The following GRM7 variants were observed in gnomAD, a reference collection of about 807,000 sequenced individuals.
GRM7 encodes the protein metabotropic glutamate receptor 7.
GRM7 carries 35 observed loss-of-function variants against 84.5 expected under a neutral mutation model. The observed-to-expected ratio is 0.41, with a 90% CI of 0.32 to 0.55. The LOEUF is 0.55. Among genes scored for constraint, GRM7 ranks in the 20% least tolerant of loss-of-function variants. The probability of loss-of-function intolerance (pLI) is 0.19; values close to 1 mark genes in which losing one functional copy is unlikely to be tolerated. For missense variants in GRM7, 1,003 were observed against 1,194.6 expected (o/e 0.84, Z 2.36); for synonymous variants, 487 against 455.1 (o/e 1.07, Z -0.89).
chr3:7,647,118 G>C (rs1311132686), intron 8 of GRM7, among the ~76,000 whole-genome samples: 1 of 152,224 alleles, frequency 6.6e-6, no homozygotes, highest in Non-Finnish European at 1.5e-5. Context: ...GTAGATGGAA[G>C]GAAAGAACCC....
chr3:7,327,388 A>G (rs1559238181), intron 4 of GRM7, among the ~76,000 whole-genome samples: 1 of 152,200 alleles, frequency 6.6e-6, no homozygotes, highest in Non-Finnish European at 1.5e-5. Context: ...AGGAGAGGAA[A>G]GAAAGCATAA....
At chr3:7,006,157 C>G (rs972214624) in intron 1 of GRM7, among the ~76,000 whole-genome samples, 1 of 152,142 alleles carries the variant, frequency 6.6e-6, no homozygotes, top group Middle Eastern at 3.2e-3. Context: ...GACTTTCCAT[C>G]TATATTTTGA....
chr3:7,687,532 T>G (rs1461731283), intron 9 of GRM7, among the ~76,000 whole-genome samples: 5 of 152,190 alleles, frequency 3.3e-5, no homozygotes, highest in African/African-American at 1.2e-4. Context: ...TAAAATGTTC[T>G]CTTTTGATTT....
In GRM7 at chr3:7,121,966, T is replaced by A. The variant is rs144457650; in HGVS notation, c.520-24486T>A. 6.2e-4 allele frequency among the ~76,000 whole-genome samples: 94 copies of A among 152,310 alleles called. 1 individual carries two copies. In the East Asian group the frequency reaches 0.017, roughly 28 times the overall value. ...ATTACAAAAGAGAGTTCACCCCTCA[T>A]GCTCTCTCTGTCTCACATGCTCACT... On this transcript the variant is annotated intron_variant, in intron 1 of 9. Coordinates refer to ENST00000357716, the MANE Select transcript of GRM7 (RefSeq NM_000844.4).
At chr3:7,640,140 C>T (rs986531773) in intron 8 of GRM7, among the ~76,000 whole-genome samples, 1 of 152,090 alleles carries the variant, frequency 6.6e-6, no homozygotes, top group Non-Finnish European at 1.5e-5. Context: ...CGCCACAATG[C>T]CCTACACAGG....
intron 1 of GRM7, among the ~76,000 whole-genome samples, chr3:7,025,799 T>C (rs1158533025): frequency 6.6e-6 from 1 of 152,186 alleles, no homozygotes; most frequent in Non-Finnish European, 1.5e-5. Context: ...GTGACCACAA[T>C]TGAGAGAATG....
intron 7 of GRM7, among the ~76,000 whole-genome samples, chr3:7,487,384 A>C (rs1699360236): frequency 6.6e-6 from 1 of 152,208 alleles, no homozygotes; most frequent in Non-Finnish European, 1.5e-5. Flanking sequence ...GCTAGATATT[A>C]GCATGGATAA....
At chr3:7,154,328 C>G (rs750988888) in intron 2 of GRM7, among the ~76,000 whole-genome samples, 1 of 152,110 alleles carries the variant, frequency 6.6e-6, no homozygotes, top group Non-Finnish European at 1.5e-5. Context: ...TTCCTAATTA[C>G]AAAGGATGGG....
At chr3:7,509,491 T>G (rs1050399476) in intron 7 of GRM7, among the ~76,000 whole-genome samples, 1 of 152,154 alleles carries the variant, frequency 6.6e-6, no homozygotes, top group Non-Finnish European at 1.5e-5. Flanking sequence ...ACTAATAAGA[T>G]GTATTGTATG....
chr3:6,964,878 G>T (rs2125086669), intron 1 of GRM7, among the ~76,000 whole-genome samples: 1 of 152,294 alleles, frequency 6.6e-6, no homozygotes, highest in South Asian at 2.1e-4. Context: ...CAATATCTCA[G>T]TGTCACTTTC....
chr3:7,512,675 C>G (rs912103144), intron 7 of GRM7, among the ~76,000 whole-genome samples: 7 of 150,094 alleles, frequency 4.7e-5, no homozygotes, highest in African/African-American at 1.7e-4. Flanking sequence ...TTCTTCATGT[C>G]AAGCTATGAA....
chr3:7,136,683 T>A (rs1322247934), intron 1 of GRM7, among the ~76,000 whole-genome samples: 1 of 152,106 alleles, frequency 6.6e-6, no homozygotes, highest in Non-Finnish European at 1.5e-5. Context: ...GAGGAGCAGG[T>A]CAAAGAAATC....
intron 2 of GRM7, among the ~76,000 whole-genome samples, chr3:7,261,243 C>G (rs1157412926): frequency 6.6e-6 from 1 of 152,202 alleles, no homozygotes; most frequent in Non-Finnish European, 1.5e-5. Flanking sequence ...ATATTTAAAA[C>G]AGCTTGCATT....
At chr3:7,092,233 C>A (rs937592945) in intron 1 of GRM7, among the ~76,000 whole-genome samples, 10 of 152,052 alleles carry the variant, frequency 6.6e-5, no homozygotes, top group African/African-American at 2.4e-4. Context: ...AGTTAGAAGC[C>A]CCTGAATTAA....
chr3:7,395,051 A>G (rs931876556), intron 4 of GRM7, among the ~76,000 whole-genome samples: 4 of 152,182 alleles, frequency 2.6e-5, no homozygotes, highest in Admixed American at 2.6e-4. Flanking sequence ...AAAAAAAAAA[A>G]AAAAAGTTAT....
intron 5 of GRM7, among the ~76,000 whole-genome samples, chr3:7,438,335 C>G (rs1442742941): frequency 6.6e-6 from 1 of 151,922 alleles, no homozygotes; most frequent in South Asian, 2.1e-4. Flanking sequence ...ATCAGAATCT[C>G]TGTAATTTGG....
At chr3:6,900,524 A>G (rs1190898886) in intron 1 of GRM7, among the ~76,000 whole-genome samples, 5 of 152,222 alleles carry the variant, frequency 3.3e-5, no homozygotes, top group Non-Finnish European at 5.9e-5. Flanking sequence ...AATAGGCAGG[A>G]TAAAGATGAG....
chr3:7,469,276 T>C (rs1698596578), intron 7 of GRM7, among the ~76,000 whole-genome samples: 1 of 152,202 alleles, frequency 6.6e-6, no homozygotes, highest in African/African-American at 2.4e-5. Context: ...GTTTACCAAA[T>C]AGGTTCCTCA....
intron 1 of GRM7, among the ~76,000 whole-genome samples, chr3:6,935,185 G>T (rs182708531): frequency 9.2e-5 from 14 of 152,256 alleles, no homozygotes; most frequent in Admixed American, 8.5e-4. Flanking sequence ...AAATTGTTAG[G>T]AACAATTAAA....
Sources: gnomAD v4.1 joint callset for allele counts (sites outside exome capture counted in the v4.1 genomes callset) on GRCh38, gnomAD v4.1.1 for gene constraint, MANE v1.5 for transcripts, NCBI Gene and HGNC (gene_info 2026-07-23, HGNC 2026-07-21) for gene names.